Variants in CDK14 observed in about 807,000 individuals in gnomAD.
CDK14 encodes the protein cyclin-dependent kinase 14.
CDK14 carries 34 observed loss-of-function variants against 60.7 expected under a neutral mutation model. That is an observed-to-expected ratio of 0.56 (90% confidence interval 0.43 to 0.75). The LOEUF (loss-of-function observed/expected upper bound fraction) is 0.75. Ranked by LOEUF, CDK14 falls within the 30% of genes least tolerant of loss-of-function variation. The pLI is 0.00. For missense variants in CDK14, 482 were observed against 564.1 expected, an observed-to-expected ratio of 0.85 and a Z score of 1.47; for synonymous variants, 197 against 203.7, an observed-to-expected ratio of 0.97 and a Z score of 0.28.
chr7:90,857,582 A>G (rs1286081930), intron 5 of CDK14, among the ~76,000 whole-genome samples: 2 of 152,236 alleles, frequency 1.3e-5, no homozygotes, highest in Non-Finnish European at 2.9e-5. Flanking sequence ...GATGAAACCA[A>G]GGATGCTTGA....
chr7:90,742,123 T>C (rs1803372323), intron 3 of CDK14, among the ~76,000 whole-genome samples: 1 of 152,080 alleles, frequency 6.6e-6, no homozygotes, highest in Non-Finnish European at 1.5e-5. Flanking sequence ...TTAATTTTGG[T>C]AATGGGGTTT....
chr7:90,955,754 T>C lies in CDK14; in HGVS notation c.884T>C (p.Leu295Ser), dbSNP rs982185188. ...SHTYSNEVVT[L>S]WYRPPDVLLG... is the part of the protein sequence containing the mutation. ...ACATACTCCAACGAAGTGGTTACCT[T>C]GTGGTACAGACCTCCAGATGTCCTT... Residue 295 changes from leucine to serine, a missense_variant, in exon 9 of 15, where the codon TTG (leucine) becomes TCG (serine). Coordinates refer to ENST00000380050, the MANE Select transcript of CDK14 (RefSeq NM_001287135.2). 1.2e-6 allele frequency: 2 copies of C among 1,613,556 alleles called. No homozygotes were observed. The highest frequency in any genetic ancestry group is 1.7e-6 in the Non-Finnish European group (2 of 1,179,536).
At chr7:90,688,049 C>T (rs1277353309) in intron 2 of CDK14, among the ~76,000 whole-genome samples, 1 of 152,060 alleles carries the variant, frequency 6.6e-6, no homozygotes, top group African/African-American at 2.4e-5. Context: ...TCAGTGTCAC[C>T]TAAATCAATA....
chr7:91,176,644 A>C (rs1010946526), intron 14 of CDK14, among the ~76,000 whole-genome samples: 2 of 152,182 alleles, frequency 1.3e-5, no homozygotes, highest in Non-Finnish European at 2.9e-5. Context: ...CCGATCCCAC[A>C]GAAATACAAA....
intron 8 of CDK14, among the ~76,000 whole-genome samples, chr7:90,923,550 C>A (rs980559118): frequency 3.3e-5 from 5 of 152,230 alleles, no homozygotes; most frequent in South Asian, 2.1e-4. Context: ...CAGATTGAAG[C>A]AATGTAGATA....
At chr7:90,977,400 G>A (rs751347293) in intron 9 of CDK14, among the ~76,000 whole-genome samples, 84 of 152,030 alleles carry the variant, frequency 5.5e-4, no homozygotes, top group Non-Finnish European at 8.8e-4. Context: ...TATATAATGC[G>A]GAAGGAATGT....
intron 10 of CDK14, among the ~76,000 whole-genome samples, chr7:91,019,080 T>A (rs1451076457): frequency 3.9e-5 from 6 of 152,168 alleles, no homozygotes; most frequent in African/African-American, 1.4e-4. Flanking sequence ...ATTAGGATCA[T>A]TGTGATGATT....
At chr7:91,180,072 C>T (rs1304197330) in intron 14 of CDK14, among the ~76,000 whole-genome samples, 1 of 152,064 alleles carries the variant, frequency 6.6e-6, no homozygotes, top group African/African-American at 2.4e-5. Context: ...GGGAAGTGCA[C>T]TGGAAGTACT....
At chr7:91,173,421 G>A (rs1379076680) in intron 14 of CDK14, among the ~76,000 whole-genome samples, 1 of 144,276 alleles carries the variant, frequency 6.9e-6, no homozygotes, top group Non-Finnish European at 1.5e-5. Context: ...GAGTAAGACT[G>A]CATCTCTTAA....
At chr7:90,658,934 A>C (rs915000286) in intron 2 of CDK14, among the ~76,000 whole-genome samples, 1 of 152,168 alleles carries the variant, frequency 6.6e-6, no homozygotes, top group Non-Finnish European at 1.5e-5. Context: ...GTTTCTGTCT[A>C]GTAGTGAATT....
intron 5 of CDK14, among the ~76,000 whole-genome samples, chr7:90,833,793 A>T (rs540101148): frequency 2.3e-4 from 35 of 152,312 alleles, no homozygotes; most frequent in South Asian, 1.2e-3. Flanking sequence ...AGCTGGCAAG[A>T]TTTTTAAGAA....
chr7:90,601,490 G>T (rs1799311581), intron 1 of CDK14, among the ~76,000 whole-genome samples: 1 of 152,206 alleles, frequency 6.6e-6, no homozygotes, highest in African/African-American at 2.4e-5. Context: ...GGTACCTTGA[G>T]CTTGAGAGTA....
At chr7:90,666,358 A>G (rs1800979596) in intron 2 of CDK14, 1 of 152,192 alleles carries the variant, frequency 6.6e-6, no homozygotes, top group Non-Finnish European at 1.5e-5. Context: ...AGTGATTCTG[A>G]TTCTCTGCCA....
intron 7 of CDK14, among the ~76,000 whole-genome samples, chr7:90,908,835 A>G (rs965515627): frequency 6.6e-6 from 1 of 152,150 alleles, no homozygotes; most frequent in Admixed American, 6.6e-5. Flanking sequence ...TAAATGTTAC[A>G]TCCTATTTGA....
chr7:91,103,826 GAGAGAGAGAGAGAGAGAA>G (rs993697194), intron 12 of CDK14, among the ~76,000 whole-genome samples: 2 of 141,412 alleles, frequency 1.4e-5, no homozygotes, highest in Non-Finnish European at 1.5e-5. Context: ...CAAGGAGACC[GAGAGAGAGAGAGAGAGAA>G]AGAGAGAGAG....
Position 90,742,823 on chromosome 7 carries a change from T to A in CDK14, c.370-4858T>A, listed in dbSNP as rs557573787. On this transcript the variant is annotated intron_variant, in intron 3 of 14. Transcript: ENST00000380050. ...AACTATTCAGCTTTAATTTTTTTAT[T>A]AAAAAAAACCATTTATTGTGTATAT... is the stretch of plus-strand genomic sequence containing the variant. Among the ~76,000 whole-genome samples the A allele has an allele frequency of 1.3e-4, 20 of 151,896 alleles. No homozygotes were observed. In the East Asian group the frequency reaches 3.9e-3, roughly 29 times the overall value.
intron 6 of CDK14, among the ~76,000 whole-genome samples, chr7:90,865,758 G>A (rs1366614992): frequency 2.0e-5 from 3 of 152,112 alleles, no homozygotes; most frequent in Admixed American, 1.3e-4. Context: ...ACTGTACGGA[G>A]GGCTTTACAT....
intron 6 of CDK14, among the ~76,000 whole-genome samples, chr7:90,887,867 T>A (rs1277155933): frequency 1.3e-5 from 2 of 152,212 alleles, no homozygotes; most frequent in Admixed American, 6.5e-5. Context: ...TTCTTTTCCT[T>A]ATAGTCATAA....
At chr7:90,808,068 T>C (rs1788932298) in intron 5 of CDK14, among the ~76,000 whole-genome samples, 1 of 152,128 alleles carries the variant, frequency 6.6e-6, no homozygotes, top group African/African-American at 2.4e-5. Flanking sequence ...AGAAGTTCCC[T>C]AATCTAGCAA....
Sources: gnomAD v4.1 joint callset for allele counts (sites outside exome capture counted in the v4.1 genomes callset) on GRCh38, gnomAD v4.1.1 for gene constraint, MANE v1.5 for transcripts, NCBI Gene and HGNC (gene_info 2026-07-23, HGNC 2026-07-21) for gene names.